The following ADGRD1 variants were observed in gnomAD, a reference collection of about 807,000 sequenced individuals.
ADGRD1 encodes the protein adhesion G protein-coupled receptor D1.
In ADGRD1, 77 loss-of-function variants were observed where a neutral mutation model predicts 113.4. The observed-to-expected ratio is 0.68, with a 90% CI of 0.57 to 0.82. The LOEUF is 0.82. Among genes scored for constraint, ADGRD1 ranks in the 40% least tolerant of loss-of-function variants. The probability of loss-of-function intolerance (pLI) is 0.00; values close to 1 mark genes in which losing one functional copy is unlikely to be tolerated. For synonymous variants in ADGRD1, 474 were observed against 475.0 expected, an observed-to-expected ratio of 1.00 and a Z score of 0.03; for missense variants, 1,036 against 1,139.1, an observed-to-expected ratio of 0.91 and a Z score of 1.30.
intron 20 of ADGRD1, among the ~76,000 whole-genome samples, chr12:131,121,792 C>T (rs549815691): frequency 6.2e-4 from 94 of 152,270 alleles, no homozygotes; most frequent in Non-Finnish European, 1.2e-3. Flanking sequence ...GCTCGTCCCT[C>T]ATCTTCTCTG....
intron 6 of ADGRD1, chr12:130,987,652 T>C (rs1873865232): frequency 2.4e-6 from 1 of 415,162 alleles, no homozygotes; most frequent in Non-Finnish European, 4.4e-6. Flanking sequence ...GATCCATTAG[T>C]GTTTTTGATC....
chr12:131,115,048 C>T (rs78022537), intron 18 of ADGRD1, among the ~76,000 whole-genome samples: 1,686 of 152,294 alleles, frequency 0.011, 29 homozygotes, highest in African/African-American at 0.037. Flanking sequence ...TCTGAAGCTG[C>T]ACTTTCATTC....
chr12:131,103,761 G>A (rs1462732359), intron 15 of ADGRD1, among the ~76,000 whole-genome samples: 3 of 152,244 alleles, frequency 2.0e-5, no homozygotes, highest in Non-Finnish European at 4.4e-5. Flanking sequence ...CGGAGGACGG[G>A]GGGACGTGGG....
chr12:131,002,713 G>T lies in ADGRD1; in HGVS notation c.1027-472G>T, dbSNP rs1876545210. 4 of 1,233,764 alleles carry T rather than the reference G, an allele frequency of 3.2e-6. No individual in the cohort carries two copies. In the South Asian group the frequency reaches 5.7e-5, roughly 17 times the overall value. 76.4% of individuals were successfully genotyped at this position (1,233,764 alleles called of 1,614,324 possible). On this transcript the variant is annotated intron_variant, in intron 9 of 24. Coordinates refer to ENST00000261654, the MANE Select transcript of ADGRD1 (RefSeq NM_198827.5). ...CTCCTGGGAAGTCAAGGCAGCCAGAGATAGCTCTGGGTGCCGGCACCTCGG... is the reference window on the plus strand; with the variant it reads ...CTCCTGGGAAGTCAAGGCAGCCAGATATAGCTCTGGGTGCCGGCACCTCGG...
At chr12:131,012,770 A>G (rs962178905) in intron 12 of ADGRD1, among the ~76,000 whole-genome samples, 5 of 152,152 alleles carry the variant, frequency 3.3e-5, no homozygotes, top group African/African-American at 7.2e-5. Flanking sequence ...GGATGTCCCA[A>G]AGGTGGTTCA....
chr12:131,139,312 C>A lies in ADGRD1; in HGVS notation c.*49C>A, dbSNP rs750593059. On this transcript the variant is annotated 3_prime_UTR_variant, in exon 25 of 25. Transcript: ENST00000261654. ...AGGCTGCGCTCAGAACACACCCCCC[C>A]AAACAGAATGAAATGCCCCACCTTT... The A allele has an allele frequency of 1.5e-5, 19 of 1,298,624 alleles. No homozygotes were observed. The African/African-American group carries it at 1.9e-4, about 13-fold the overall frequency. The allele number at this position is 1,298,624 out of a possible 1,614,324, so 80.4% of individuals were successfully genotyped here.
At position 131,118,405 on chromosome 12, in the gene ADGRD1, A is replaced by C. The variant is rs777129872; in HGVS notation, c.2062A>C (p.Ile688Leu). The change falls in exon 19 of 25, where the codon ATC becomes CTC. Residue 688 changes from isoleucine to leucine, a missense_variant. Ile to Leu is a conservative substitution (Grantham distance 5, BLOSUM62 2). Transcript: ENST00000261654. ...TGCAGGTTTTCCTCTTCTGATCTGC[A>C]TCATTTCACTGTCATTTGCCATGGA... ...MGWGFPLLIC[I>L]ISLSFAMDSY... The C allele has an allele frequency of 8.9e-5, 144 of 1,612,220 alleles. No homozygotes were observed. Among genetic ancestry groups the C allele is most frequent in the Non-Finnish European group, 1.2e-4 (141 of 1,179,344 alleles).
intron 8 of ADGRD1, chr12:130,993,794 G>A (rs565880850): frequency 6.5e-6 from 1 of 152,902 alleles, no homozygotes; most frequent in African/African-American, 2.4e-5. Flanking sequence ...GGAATCCTAG[G>A]AGTCACTAAC....
intron 14 of ADGRD1, among the ~76,000 whole-genome samples, chr12:131,081,116 G>A (rs893871356): frequency 8.5e-5 from 13 of 152,202 alleles, no homozygotes; most frequent in South Asian, 6.2e-4. Context: ...GTTGATTAGT[G>A]TTTGAGTGCT....
chr12:131,052,076 C>G (rs1197673495), intron 13 of ADGRD1, among the ~76,000 whole-genome samples: 1 of 152,188 alleles, frequency 6.6e-6, no homozygotes, highest in African/African-American at 2.4e-5. Context: ...CTGAAAACTT[C>G]CAGCTCCTCC....
chr12:131,088,763 C>A (rs1380960169), intron 15 of ADGRD1, among the ~76,000 whole-genome samples: 1 of 152,120 alleles, frequency 6.6e-6, no homozygotes, highest in East Asian at 1.9e-4. Context: ...GGCACGAGTC[C>A]CACTGCAGAT....
At chr12:130,982,098 T>C in intron 5 of ADGRD1, 35 bp downstream of exon 5, 2 of 1,554,966 alleles carry the variant, frequency 1.3e-6, no homozygotes, top group Non-Finnish European at 1.8e-6. Context: ...AGGCTCTGCC[T>C]GGAGGAGTGG....
At position 131,141,166 on chromosome 12, in the gene ADGRD1, A is replaced by T. The variant is rs892649400; in HGVS notation, c.*1903A>T. On this transcript the variant is annotated 3_prime_UTR_variant, in exon 25 of 25. Transcript: ENST00000261654. ...ACAAATCAAGTAAGGAACTATCTTTAGTTTAGATGGAATTATTTGTTTTTA... is the reference window on the plus strand; with the variant it reads ...ACAAATCAAGTAAGGAACTATCTTTTGTTTAGATGGAATTATTTGTTTTTA... 4 of 152,244 alleles carry T rather than the reference A, an allele frequency of 2.6e-5. No homozygotes were observed. The highest frequency in any genetic ancestry group is 5.9e-5 in the Non-Finnish European group (4 of 68,036). 9.4% of individuals were successfully genotyped at this position (152,244 alleles called of 1,614,324 possible). A position where few individuals can be genotyped will look rare whatever the true frequency, so the allele number is the denominator to read the frequency against.
At chr12:131,047,701 G>A (rs557358681) in intron 13 of ADGRD1, among the ~76,000 whole-genome samples, 10 of 152,322 alleles carry the variant, frequency 6.6e-5, no homozygotes, top group African/African-American at 1.9e-4. Context: ...ACGACTGTGC[G>A]TGGCTCTGGG....
rs751433657 is a variant in ADGRD1, at chr12:131,105,726, A to C, written c.1776-28A>C. The C allele has an allele frequency of 1.0e-5, 16 of 1,565,662 alleles. No homozygotes were observed. In the East Asian group the frequency reaches 3.4e-4, roughly 33 times the overall value. Reference sequence around the variant, plus strand: ...GGGGGACTGGGTCGGCGCAGGGCCCAGGCCTCACACCCTGCCTCTGTCCTC... The same window carrying C: ...GGGGGACTGGGTCGGCGCAGGGCCCCGGCCTCACACCCTGCCTCTGTCCTC... On this transcript the variant is annotated intron_variant, in intron 16 of 24. Coordinates refer to ENST00000261654, the MANE Select transcript of ADGRD1 (RefSeq NM_198827.5).
At chr12:130,982,282 C>T (rs1873100533) in intron 5 of ADGRD1, among the ~76,000 whole-genome samples, 1 of 152,148 alleles carries the variant, frequency 6.6e-6, no homozygotes, top group Admixed American at 6.5e-5. Flanking sequence ...AGCCTGGGCT[C>T]CGTCTGCCCG....
At chr12:131,017,207 G>A (rs1322826003) in intron 13 of ADGRD1, among the ~76,000 whole-genome samples, 1 of 149,840 alleles carries the variant, frequency 6.7e-6, no homozygotes, top group African/African-American at 2.4e-5. Flanking sequence ...ACACACACAT[G>A]CACATGCACA....
chr12:130,979,815 T>TCA (rs1491129989), intron 4 of ADGRD1, among the ~76,000 whole-genome samples: 1,720 of 139,722 alleles, frequency 0.012, 23 homozygotes, highest in African/African-American at 0.03. Flanking sequence ...GCAGCTAGTG[T>TCA]CTCACACACA....
chr12:130,980,737 A>G (rs1314972055), intron 4 of ADGRD1: 1 of 152,238 alleles, frequency 6.6e-6, no homozygotes, highest in African/African-American at 2.4e-5. Flanking sequence ...GAAATCCCAC[A>G]TGAGGATCAT....
Sources: allele counts gnomAD v4.1 joint callset (sites outside exome capture counted in the v4.1 genomes callset), GRCh38; gene constraint gnomAD v4.1.1; transcripts MANE v1.5; gene names NCBI Gene and HGNC (gene_info 2026-07-23, HGNC 2026-07-21).